Variants in CCDC148 observed in about 807,000 individuals in gnomAD.
CCDC148 encodes coiled-coil domain-containing protein 148.
In CCDC148, 89 loss-of-function variants were observed where a neutral mutation model predicts 85.7. That is an observed-to-expected ratio of 1.04 (90% confidence interval 0.87 to 1.24). The LOEUF (loss-of-function observed/expected upper bound fraction) is 1.24. Ranked by LOEUF, CCDC148 falls within the 50% of genes most tolerant of loss-of-function variation. The pLI, the probability that CCDC148 is intolerant of heterozygous loss-of-function variation, is 0.00. For missense variants in CCDC148, 692 were observed against 671.7 expected, an observed-to-expected ratio of 1.03 and a Z score of -0.33; for synonymous variants, 230 against 213.9, an observed-to-expected ratio of 1.08 and a Z score of -0.66.
intron 11 of CCDC148, 79 bp downstream of exon 11, chr2:158,220,516 T>A: frequency 1.1e-6 from 1 of 939,362 alleles, no homozygotes; most frequent in Non-Finnish European, 1.7e-6. Context: ...AAGTTCCCTC[T>A]GATATTATTT....
intron 11 of CCDC148, among the ~76,000 whole-genome samples, chr2:158,213,073 G>C (rs1686663099): frequency 6.6e-6 from 1 of 152,172 alleles, no homozygotes. Flanking sequence ...TATGAATTTA[G>C]TTGGTCTGGA....
At chr2:158,425,809 G>T (rs1268629516) in intron 1 of CCDC148, among the ~76,000 whole-genome samples, 2 of 152,108 alleles carry the variant, frequency 1.3e-5, no homozygotes, top group Non-Finnish European at 2.9e-5. Flanking sequence ...CACATCTTTG[G>T]ATGATGTTTT....
chr2:158,235,719 A>C (rs1266095709), intron 10 of CCDC148: 1 of 152,184 alleles, frequency 6.6e-6, no homozygotes, highest in Non-Finnish European at 1.5e-5. Context: ...TATTTTAATG[A>C]TTCCTAATAG....
chr2:158,372,983 T>C (rs1684511531), intron 1 of CCDC148, among the ~76,000 whole-genome samples: 1 of 152,082 alleles, frequency 6.6e-6, no homozygotes, highest in Non-Finnish European at 1.5e-5. Flanking sequence ...GATTATGTGA[T>C]GTTATGTGGC....
chr2:158,259,940 A>T (rs11680337), intron 9 of CCDC148, among the ~76,000 whole-genome samples: 81,548 of 151,796 alleles, frequency 0.54, 24,293 homozygotes, highest in East Asian at 0.74. Context: ...CATTTGACTA[A>T]CCCATCTCTT....
At chr2:158,401,582 T>A (rs114238770) in intron 1 of CCDC148, among the ~76,000 whole-genome samples, 2 of 151,890 alleles carry the variant, frequency 1.3e-5, no homozygotes, top group African/African-American at 4.8e-5. Context: ...TAGGAGAAAA[T>A]ACCTAATGTA....
chr2:158,282,834 C>G (rs537763878), intron 9 of CCDC148, among the ~76,000 whole-genome samples: 1 of 152,132 alleles, frequency 6.6e-6, no homozygotes, highest in Non-Finnish European at 1.5e-5. Flanking sequence ...AATCCTAAGC[C>G]AAAAGAACAA....
At chr2:158,274,965 C>A (rs1030987812) in intron 9 of CCDC148, among the ~76,000 whole-genome samples, 12 of 152,130 alleles carry the variant, frequency 7.9e-5, no homozygotes, top group South Asian at 6.2e-4. Flanking sequence ...CAGAGTCACA[C>A]GGATTTATAT....
At chr2:158,278,983 T>C (rs1260721768) in intron 9 of CCDC148, among the ~76,000 whole-genome samples, 1 of 152,226 alleles carries the variant, frequency 6.6e-6, no homozygotes, top group Non-Finnish European at 1.5e-5. Context: ...AAAACCACTG[T>C]TCTGCAGACA....
At chr2:158,263,240 G>C (rs527675225) in intron 9 of CCDC148, among the ~76,000 whole-genome samples, 1 of 152,134 alleles carries the variant, frequency 6.6e-6, no homozygotes, top group South Asian at 2.1e-4. Context: ...ATGAATGGAG[G>C]CCTTGAGAAA....
Position 158,313,830 on chromosome 2 carries a change from C to A in CCDC148, c.829G>T (p.Asp277Tyr), listed in dbSNP as rs775583772. 6.2e-7 allele frequency: 1 copy of A among 1,613,956 alleles called. No homozygotes were observed. The highest frequency in any genetic ancestry group is 1.1e-5 in the South Asian group (1 of 91,066). Residue 277 changes from aspartate (D) to tyrosine (Y), a missense_variant, in exon 8 of 14, where the codon GAT becomes TAT. Coordinates refer to ENST00000283233, the MANE Select transcript of CCDC148 (RefSeq NM_138803.4). ...TACAGAGTCCTTCTTCCAAAGAGAT[C>A]TCCAGGGTACTGATCCAAAATAGCC... is the stretch of plus-strand genomic sequence containing the variant. ...YQAILDQYPG[D>Y]LFGRRTLYLD...
intron 8 of CCDC148, among the ~76,000 whole-genome samples, chr2:158,312,511 G>C (rs947425670): frequency 6.6e-6 from 1 of 151,050 alleles, no homozygotes; most frequent in Non-Finnish European, 1.5e-5. Flanking sequence ...GAACCCAGGA[G>C]GGGGAGGTTT....
At chr2:158,290,121 T>C (rs1343317774) in intron 9 of CCDC148, among the ~76,000 whole-genome samples, 1 of 152,048 alleles carries the variant, frequency 6.6e-6, no homozygotes, top group East Asian at 1.9e-4. Flanking sequence ...ACATGTGAGA[T>C]GCAGATATGC....
chr2:158,433,091 A>AAAAAAAAAAAAAAAAATAT (rs1553521585), intron 1 of CCDC148, among the ~76,000 whole-genome samples: 2 of 51,314 alleles, frequency 3.9e-5, no homozygotes, highest in African/African-American at 1.1e-4. Flanking sequence ...AAAAAAAAAA[A>AAAAAAAAAAAAAAAAATAT]ATATATATAT....
intron 1 of CCDC148, among the ~76,000 whole-genome samples, chr2:158,383,092 G>A (rs1445051348): frequency 6.6e-6 from 1 of 151,826 alleles, no homozygotes; most frequent in Non-Finnish European, 1.5e-5. Context: ...CTGAGGTCAG[G>A]AGTTCAAGAC....
chr2:158,316,148 C>A (rs1207280833), intron 7 of CCDC148, among the ~76,000 whole-genome samples: 3 of 152,158 alleles, frequency 2.0e-5, no homozygotes, highest in African/African-American at 4.8e-5. Flanking sequence ...GAGAAGTACT[C>A]CTAAATTAAT....
intron 11 of CCDC148, among the ~76,000 whole-genome samples, chr2:158,216,906 A>G (rs77305806): frequency 1.3e-5 from 2 of 152,136 alleles, no homozygotes; most frequent in Non-Finnish European, 2.9e-5. Context: ...TCCTTGCAAC[A>G]ATCTTAAGAA....
intron 8 of CCDC148, 33 bp from the exon 9 acceptor site, chr2:158,309,672 T>C (rs1691879420): frequency 7.1e-7 from 1 of 1,415,520 alleles, no homozygotes; most frequent in South Asian, 1.3e-5. Context: ...ATACTTATCA[T>C]TATGAAAATG....
At chr2:158,280,733 A>C (rs1289788472) in intron 9 of CCDC148, among the ~76,000 whole-genome samples, 1 of 152,186 alleles carries the variant, frequency 6.6e-6, no homozygotes, top group Non-Finnish European at 1.5e-5. Flanking sequence ...CAGAAAGTCA[A>C]CAAGGATACC....
Sources: gnomAD v4.1 joint callset for allele counts (sites outside exome capture counted in the v4.1 genomes callset) on GRCh38, gnomAD v4.1.1 for gene constraint, MANE v1.5 for transcripts, NCBI Gene and HGNC (gene_info 2026-07-23, HGNC 2026-07-21) for gene names.